Variants in CFAP157 observed in about 807,000 individuals in gnomAD.
CFAP157 encodes the protein cilia and flagella associated protein 157.
In CFAP157, 43 loss-of-function variants were observed where a neutral mutation model predicts 57.8. The ratio of observed to expected loss-of-function variants is 0.74; its 90% CI spans 0.58 to 0.96. The LOEUF is 0.96. CFAP157 is among the 40% of genes least tolerant of loss of function. CFAP157 has a pLI of 0.00. For missense variants in CFAP157, 606 were observed against 655.3 expected (o/e 0.92, Z 0.82); for synonymous variants, 267 against 269.0 (o/e 0.99, Z 0.07).
At chr9:127,712,659 T>C (rs756018572) in intron 6 of CFAP157, 50 bp from the exon 7 acceptor site, 2 of 1,613,238 alleles carry the variant, frequency 1.2e-6, no homozygotes, top group Non-Finnish European at 1.7e-6. Context: ...TGGACGAGGG[T>C]GGGTACTGGG....
intron 2 of CFAP157, among the ~76,000 whole-genome samples, 160 bp from the exon 3 acceptor site, chr9:127,710,441 A>G (rs921312128): frequency 3.3e-5 from 5 of 152,110 alleles, no homozygotes; most frequent in African/African-American, 4.8e-5. Flanking sequence ...TAAAGGTGAC[A>G]GGGCCAGGCA....
At chr9:127,710,282 C>CAAAAA (rs60165824) in intron 2 of CFAP157, among the ~76,000 whole-genome samples, 1 of 82,618 alleles carries the variant, frequency 1.2e-5, no homozygotes. Flanking sequence ...GACCCTGTCT[C>CAAAAA]AAAAAAAAAA....
chr9:127,710,555 C>A (rs1405355236), intron 2 of CFAP157, 46 bp from the exon 3 acceptor site: 2 of 1,554,436 alleles, frequency 1.3e-6, no homozygotes, highest in African/African-American at 2.7e-5. Flanking sequence ...CAGGCCCTGT[C>A]CTCTGAGGCA....
chr9:127,707,861 C>T (rs1030613996), intron 1 of CFAP157, among the ~76,000 whole-genome samples: 2 of 152,188 alleles, frequency 1.3e-5, no homozygotes, highest in African/African-American at 4.8e-5. Context: ...AACCAGTAGG[C>T]GGCAGCTCTT....
Position 127,715,264 on chromosome 9 carries a change from G to A in CFAP157, c.*1359G>A, listed in dbSNP as rs774144633. ...CCCCCGATCTCACAGCGTCCCGTGG[G>A]CCCCAACGCAGAGGAGCGGAAACGC... On this transcript the variant is annotated 3_prime_UTR_variant, in exon 9 of 9. Coordinates refer to ENST00000373295, the MANE Select transcript of CFAP157 (RefSeq NM_001012502.3). This position sits in a 1 kb window ranked among gnomAD's most constrained non-coding sequence, Gnocchi z 5.8. The A allele has an allele frequency of 1.6e-5, 23 of 1,478,028 alleles. No individual in the cohort carries two copies. The South Asian group carries it at 1.9e-4, about 12-fold the overall frequency. 91.6% of individuals were successfully genotyped at this position (1,478,028 alleles called of 1,614,324 possible). A position where few individuals can be genotyped will look rare whatever the true frequency, so the allele number is the denominator to read the frequency against.
At chr9:127,707,430 C>T (rs965293313) in intron 1 of CFAP157, among the ~76,000 whole-genome samples, 1 of 152,196 alleles carries the variant, frequency 6.6e-6, no homozygotes, top group African/African-American at 2.4e-5. Context: ...GCCCACGATG[C>T]TAGCTCGTGG....
At position 127,709,684 on chromosome 9, in the gene CFAP157, A is replaced by C; in HGVS notation, c.424A>C (p.Ile142Leu). 6.2e-7 allele frequency: 1 copy of C among 1,613,158 alleles called. No individual in the cohort carries two copies. The highest frequency in any genetic ancestry group is 8.5e-7 in the Non-Finnish European group (1 of 1,179,646). Reference sequence around the variant, plus strand: ...CAAGGACCAGCTCACCACGGAGAACATCATCCTTGGTGAGGAGGGGACTGG... The same window carrying C: ...CAAGGACCAGCTCACCACGGAGAACCTCATCCTTGGTGAGGAGGGGACTGG... ...ETKDQLTTEN[I>L]ILGGKLAALE... The change falls in exon 2 of 9, where the codon ATC (isoleucine) becomes CTC (leucine). Residue 142 changes from isoleucine to leucine, a missense_variant. By Grantham distance (5) the Ile-to-Leu change is conservative. Transcript: ENST00000373295. This position sits in a 1 kb window ranked among gnomAD's most constrained non-coding sequence, Gnocchi z 4.7.
chr9:127,707,247 G>A, intron 1 of CFAP157, 55 bp downstream of exon 1: 1 of 1,583,120 alleles, frequency 6.3e-7, no homozygotes, highest in Non-Finnish European at 8.6e-7. Flanking sequence ...CCCATGCCCA[G>A]GTGGCCCCCA....
chr9:127,710,832 A>C, intron 3 of CFAP157, 78 bp downstream of exon 3: 1 of 1,482,184 alleles, frequency 6.7e-7, no homozygotes, highest in South Asian at 1.2e-5. Flanking sequence ...TTCAGGCCTC[A>C]GCTTCTAACT....
chr9:127,708,064 A>C (rs1026745138), intron 1 of CFAP157, among the ~76,000 whole-genome samples: 2 of 152,168 alleles, frequency 1.3e-5, no homozygotes, highest in Non-Finnish European at 2.9e-5. Flanking sequence ...AGGAGGCACC[A>C]AGATGGGAGC....
chr9:127,713,804 G>A (rs1473175262), intron 8 of CFAP157, 30 bp from the exon 9 acceptor site: 6 of 1,603,194 alleles, frequency 3.7e-6, no homozygotes, highest in Non-Finnish European at 4.3e-6. Context: ...ACTGCACCCG[G>A]CCTCCAAGCC....
At position 127,712,244 on chromosome 9, in the gene CFAP157, G is replaced by A; in HGVS notation, c.1032G>A (p.Val344=). Residue 344 remains valine, a synonymous_variant, in exon 6 of 9, where the codon GTG becomes GTA. Transcript: ENST00000373295. The stretch of plus-strand genomic sequence containing the variant: ...GCCTGCAGCTGGAGCAGCAGCAGGT[G>A]GATTTGCAGCGGCTACAGCAGGAAC... ...QLSLQLEQQQ[V]DLQRLQQELA... The A allele has an allele frequency of 2.5e-6, 4 of 1,614,056 alleles. No homozygotes were observed. Among genetic ancestry groups the A allele is most frequent in the Non-Finnish European group, 3.4e-6 (4 of 1,179,982 alleles).
At chr9:127,707,256 C>A in intron 1 of CFAP157, 64 bp downstream of exon 1, 1 of 1,568,086 alleles carries the variant, frequency 6.4e-7, no homozygotes, top group Non-Finnish European at 8.6e-7. Flanking sequence ...AGGTGGCCCC[C>A]ATGCAGGTTT....
rs1239926647 is a variant in CFAP157, at chr9:127,707,006, G to A, written c.-26G>A. On this transcript the variant is annotated 5_prime_UTR_variant, in exon 1 of 9. Coordinates refer to ENST00000373295, the MANE Select transcript of CFAP157 (RefSeq NM_001012502.3). ...AGCAACCACCTGGCCTCTTCCTGGG[G>A]CCTGGAGCCCTGGTTGCCATCAGCC... 3.7e-6 allele frequency: 6 copies of A among 1,611,930 alleles called. No homozygotes were observed. The highest frequency in any genetic ancestry group is 4.2e-6 in the Non-Finnish European group (5 of 1,178,948).
Position 127,714,635 on chromosome 9 carries a change from C to T in CFAP157, c.*730C>T, listed in dbSNP as rs1025055928. On this transcript the variant is annotated 3_prime_UTR_variant, in exon 9 of 9. Transcript: ENST00000373295. ...TGCCCCCCAGCTTCAGAGCCAGTCTCCCCAGGGGCTTGTCCAGCTCATCAT... is the reference window on the plus strand; with the variant it reads ...TGCCCCCCAGCTTCAGAGCCAGTCTTCCCAGGGGCTTGTCCAGCTCATCAT... 8.7e-6 allele frequency: 14 copies of T among 1,613,868 alleles called. No homozygotes were observed. In the East Asian group the frequency reaches 1.1e-4, roughly 13 times the overall value.
Position 127,711,300 on chromosome 9 carries a change from T to C in CFAP157, c.659T>C (p.Met220Thr). The part of the protein sequence containing the change: ...NEFHKVTTNR[M>T]WETTKRAIKE... ...TTCCACAAGGTGACCACGAACCGGA[T>C]GTGGGAGACAACCAAGCGGGCCATC... The change falls in exon 4 of 9, where the codon ATG (methionine) becomes ACG (threonine). Residue 220 changes from methionine (M) to threonine (T), a missense_variant. Physicochemically the swap from Met to Thr is moderately conservative, Grantham distance 81. Transcript: ENST00000373295. 6.2e-7 allele frequency: 1 copy of C among 1,614,158 alleles called. No individual in the cohort carries two copies. Among genetic ancestry groups the C allele is most frequent in the Non-Finnish European group, 8.5e-7 (1 of 1,180,026 alleles).
intron 8 of CFAP157, chr9:127,713,492 C>G: frequency 4.3e-6 from 1 of 232,936 alleles, no homozygotes; most frequent in Non-Finnish European, 7.9e-6. Flanking sequence ...AAGCCAGCAT[C>G]TTTCTTTTTT....
intron 2 of CFAP157, among the ~76,000 whole-genome samples, chr9:127,710,165 C>T (rs185481534): frequency 1.3e-5 from 2 of 151,566 alleles, no homozygotes; most frequent in East Asian, 3.9e-4. Context: ...GTCCCAGCTA[C>T]TTGGGAAGCT....
chr9:127,708,147 C>T (rs565648042), intron 1 of CFAP157, among the ~76,000 whole-genome samples: 9 of 152,284 alleles, frequency 5.9e-5, no homozygotes, highest in African/African-American at 2.2e-4. Flanking sequence ...TGTGCAGTCA[C>T]TATTTGAAAG....
Sources: gnomAD v4.1 joint callset for allele counts (sites outside exome capture counted in the v4.1 genomes callset) on GRCh38, gnomAD v4.1.1 for gene constraint, Gnocchi (gnomAD v3.1) non-coding constraint, MANE v1.5 for transcripts, NCBI Gene and HGNC (gene_info 2026-07-23, HGNC 2026-07-21) for gene names.